PBLD: variants seen among roughly 807,000 people sequenced by gnomAD.
The protein encoded by PBLD is phenazine biosynthesis-like domain-containing protein.
PBLD carries 26 observed loss-of-function variants against 31.3 expected under a neutral mutation model. The ratio of observed to expected loss-of-function variants is 0.83; its 90% CI spans 0.61 to 1.15. The LOEUF is 1.15. Among genes scored for constraint, PBLD ranks in the 50% most tolerant of loss-of-function variants. The probability of loss-of-function intolerance (pLI) is 0.00; values close to 1 mark genes in which losing one functional copy is unlikely to be tolerated. For synonymous variants in PBLD, 114 were observed against 129.0 expected (o/e 0.88, Z 0.79); for missense variants, 307 against 351.7 (o/e 0.87, Z 1.02).
intron 1 of PBLD, among the ~76,000 whole-genome samples, chr10:68,319,047 A>AAGAGAGAG (rs745362764): frequency 1.2e-4 from 13 of 111,348 alleles, no homozygotes; most frequent in African/African-American, 3.6e-4. Flanking sequence ...GAAAGAAAGA[A>AAGAGAGAG]AGAGAGAGAA....
At chr10:68,326,986 G>A (rs968401352) in intron 1 of PBLD, among the ~76,000 whole-genome samples, 12 of 152,134 alleles carry the variant, frequency 7.9e-5, no homozygotes, top group Non-Finnish European at 1.8e-4. Context: ...GTCAAGGGTT[G>A]CAGTGAGCTG....
chr10:68,305,791 C>T lies in PBLD; in HGVS notation c.84+970G>A, dbSNP rs188393238. Reference sequence around the variant, plus strand: ...CAAAACAAAAAAACACTGCTTCCCCCCAACTCCCAGAGAGCCTGTTGTAAT... The same window carrying T: ...CAAAACAAAAAAACACTGCTTCCCCTCAACTCCCAGAGAGCCTGTTGTAAT... On this transcript the variant is annotated intron_variant, in intron 2 of 9. Transcript: ENST00000358769. Among the ~76,000 whole-genome samples the T allele has an allele frequency of 4.0e-4, 61 of 152,120 alleles. No individual in the cohort carries two copies. The East Asian group carries it at 0.011, about 28-fold the overall frequency.
At position 68,284,379 on chromosome 10, in the gene PBLD, C is replaced by A. The variant is rs908674240; in HGVS notation, c.755-90G>T. On this transcript the variant is annotated intron_variant, in intron 9 of 9. Coordinates refer to ENST00000358769, the MANE Select transcript of PBLD (RefSeq NM_022129.4). ...AAAGACTTATTACAAATCTTAGAGTCCTCCCAGATCAGTTTCAAGAATAAA... is the reference window on the plus strand; with the variant it reads ...AAAGACTTATTACAAATCTTAGAGTACTCCCAGATCAGTTTCAAGAATAAA... The A allele has an allele frequency of 6.5e-6, 7 of 1,077,634 alleles. No individual in the cohort carries two copies. The Admixed American group carries it at 1.3e-4, about 20-fold the overall frequency. 66.8% of individuals were successfully genotyped at this position (1,077,634 alleles called of 1,614,324 possible).
chr10:68,295,209 T>C (rs1032047124), intron 4 of PBLD, among the ~76,000 whole-genome samples: 5 of 152,186 alleles, frequency 3.3e-5, no homozygotes, highest in African/African-American at 7.2e-5. Flanking sequence ...GAAGCTCTTA[T>C]TGGCCGGGCG....
rs113994956 is a variant in PBLD, at chr10:68,301,759, A to G, written c.85-4774T>C. On this transcript the variant is annotated intron_variant, in intron 2 of 9. Transcript: ENST00000358769. ...GTAGCCAAGCTCACCATCTATTGGT[A>G]ATAGATTTCTTTGCAAATGGGCCCT... Among the ~76,000 whole-genome samples the G allele has an allele frequency of 5.4e-3, 829 of 152,322 alleles. 10 individuals carry two copies. The highest frequency in any genetic ancestry group is 0.019 in the African/African-American group (791 of 41,568).
chr10:68,302,866 TTAA>T (rs2044523200), intron 2 of PBLD, among the ~76,000 whole-genome samples: 1 of 66,132 alleles, frequency 1.5e-5, no homozygotes, highest in Admixed American at 2.0e-4. Context: ...AAATTAGAAT[TTAA>T]AAAAAAAAAA....
intron 6 of PBLD, among the ~76,000 whole-genome samples, chr10:68,289,576 G>A (rs2044330995): frequency 6.6e-6 from 1 of 151,612 alleles, no homozygotes; most frequent in Non-Finnish European, 1.5e-5. Flanking sequence ...ATTCTCACAA[G>A]TGCCTACTAT....
intron 1 of PBLD, among the ~76,000 whole-genome samples, chr10:68,310,653 T>C (rs527671593): frequency 2.7e-5 from 4 of 148,150 alleles, no homozygotes; most frequent in Non-Finnish European, 5.9e-5. Context: ...TCTCTACTTC[T>C]ACAGTGTCAA....
At chr10:68,330,130 C>T (rs989916201) in intron 1 of PBLD, among the ~76,000 whole-genome samples, 1 of 152,092 alleles carries the variant, frequency 6.6e-6, no homozygotes, top group Non-Finnish European at 1.5e-5. Flanking sequence ...ATGATGATAA[C>T]ACTGTCCTTT....
intron 4 of PBLD, among the ~76,000 whole-genome samples, chr10:68,293,003 G>A (rs1392544044): frequency 3.9e-5 from 6 of 152,288 alleles, no homozygotes; most frequent in Admixed American, 3.9e-4. Context: ...TGGGACTACA[G>A]GCATGAGCCA....
rs1456260999 is a variant in PBLD at position 68,322,407 on chromosome 10, T to C, written c.-60+10377A>G. Among the ~76,000 whole-genome samples, 6 of 151,616 alleles carry C rather than the reference T, an allele frequency of 4.0e-5. No individual in the cohort carries two copies. The East Asian group carries it at 1.2e-3, about 30-fold the overall frequency. On this transcript the variant is annotated intron_variant, in intron 1 of 9. Transcript: ENST00000358769. Reference sequence around the variant, plus strand: ...TAGGCACGGTGGCTCACAACTGTAATCCTAGCACTTTGGGAGGCCGAGGTA... The same window carrying C: ...TAGGCACGGTGGCTCACAACTGTAACCCTAGCACTTTGGGAGGCCGAGGTA...
At chr10:68,314,216 A>G (rs1157753979) in intron 1 of PBLD, among the ~76,000 whole-genome samples, 1 of 152,132 alleles carries the variant, frequency 6.6e-6, no homozygotes, top group Non-Finnish European at 1.5e-5. Context: ...ACCTCAGGTG[A>G]TCCGCCCACC....
rs1446863428 is a variant in PBLD at position 68,284,123 on chromosome 10, T to C, written c.*54A>G. The C allele has an allele frequency of 4.0e-6, 6 of 1,494,674 alleles. No homozygotes were observed. The highest frequency in any genetic ancestry group is 5.5e-6 in the Non-Finnish European group (6 of 1,081,226). The allele number at this position is 1,494,674 out of a possible 1,614,324, so 92.6% of individuals were successfully genotyped here. A position where few individuals can be genotyped will look rare whatever the true frequency, so the allele number is the denominator to read the frequency against. Reference sequence around the variant, plus strand: ...TAAAGGCAGCCCCTTACATTTCTTTTTAAGCAGAAAATACTTGGTGGTTAG... The same window carrying C: ...TAAAGGCAGCCCCTTACATTTCTTTCTAAGCAGAAAATACTTGGTGGTTAG... On this transcript the variant is annotated 3_prime_UTR_variant, in exon 10 of 10. Coordinates refer to ENST00000358769, the MANE Select transcript of PBLD (RefSeq NM_022129.4).
intron 2 of PBLD, among the ~76,000 whole-genome samples, chr10:68,305,742 C>T (rs1015724684): frequency 4.6e-5 from 7 of 151,998 alleles, no homozygotes; most frequent in Admixed American, 6.6e-5. Flanking sequence ...GCAACAAGAG[C>T]GGAACTCCGT....
Position 68,296,286 on chromosome 10 carries a change from G to C in PBLD, c.263C>G (p.Ala88Gly). 1 of 1,613,454 alleles carries C rather than the reference G, an allele frequency of 6.2e-7. No homozygotes were observed. The highest frequency in any genetic ancestry group is 8.5e-7 in the Non-Finnish European group (1 of 1,179,506). ...LCGHATLASA[A>G]VLFHKIKNMN... The stretch of plus-strand genomic sequence containing the variant: ...ATTACTTATTTTGTGAAACAGCACA[G>C]CTGCAGAAGCCAGGGTGGCATGGCC... The change falls in exon 4 of 10, where the codon GCT (alanine) becomes GGT (glycine). Residue 88 changes from alanine to glycine, a missense_variant. Physicochemically the swap from Ala to Gly is moderately conservative, Grantham distance 60. Coordinates refer to ENST00000358769, the MANE Select transcript of PBLD (RefSeq NM_022129.4).
intron 1 of PBLD, among the ~76,000 whole-genome samples, chr10:68,319,087 G>GAAAGAAAGAAAGAA (rs2044787324): frequency 8.0e-6 from 1 of 125,048 alleles, no homozygotes; most frequent in Non-Finnish European, 1.6e-5. Context: ...AAGAAAGAAA[G>GAAAGAAAGAAAGAA]AAAGAAAGAA....
At chr10:68,299,094 G>A (rs2044470626) in intron 2 of PBLD, among the ~76,000 whole-genome samples, 2 of 108,518 alleles carry the variant, frequency 1.8e-5, no homozygotes, top group South Asian at 3.5e-4. Flanking sequence ...GTGACAGAGT[G>A]AGAGTCCGTC....
At chr10:68,302,916 T>A (rs1218558488) in intron 2 of PBLD, among the ~76,000 whole-genome samples, 2 of 151,732 alleles carry the variant, frequency 1.3e-5, no homozygotes, top group Admixed American at 1.3e-4. Context: ...CAGTAGCTAG[T>A]CATGGGTCCC....
chr10:68,292,191 T>G lies in PBLD; in HGVS notation c.331A>C (p.Arg111=), dbSNP rs1003659631. ...LTFVTLSGEL[R]ARRAEDGIVL... Reference sequence around the variant, plus strand: ...ATGCCATCCTCTGCTCGTCTGGCCCTTAGTTCTCCACTCAGAGTGACAAAC... The same window carrying G: ...ATGCCATCCTCTGCTCGTCTGGCCCGTAGTTCTCCACTCAGAGTGACAAAC... Residue 111 remains arginine (R), a synonymous_variant, in exon 5 of 10, where the codon AGG becomes CGG. Transcript: ENST00000358769. 6.2e-7 allele frequency: 1 copy of G among 1,613,724 alleles called. No individual in the cohort carries two copies. The highest frequency in any genetic ancestry group is 8.5e-7 in the Non-Finnish European group (1 of 1,180,040).
Sources: allele counts gnomAD v4.1 joint callset (sites outside exome capture counted in the v4.1 genomes callset), GRCh38; gene constraint gnomAD v4.1.1; transcripts MANE v1.5; gene names NCBI Gene and HGNC (gene_info 2026-07-23, HGNC 2026-07-21).